PCNP: variants seen among roughly 807,000 people sequenced by gnomAD.
The protein encoded by PCNP is PEST proteolytic signal containing nuclear protein.
PCNP carries 6 observed loss-of-function variants against 21.8 expected under a neutral mutation model. That is an observed-to-expected ratio of 0.28 (90% CI 0.15 to 0.54). The LOEUF is 0.54. Ranked by LOEUF, PCNP falls within the 20% of genes least tolerant of loss-of-function variation. The pLI, the probability that PCNP is intolerant of heterozygous loss-of-function variation, is 0.95. For missense variants in PCNP, 161 were observed against 215.5 expected (o/e 0.75, Z 1.58); for synonymous variants, 67 against 73.2 (o/e 0.92, Z 0.43).
At chr3:101,577,873 C>G (rs1935009476) in intron 1 of PCNP, among the ~76,000 whole-genome samples, 1 of 152,036 alleles carries the variant, frequency 6.6e-6, no homozygotes, top group Non-Finnish European at 1.5e-5. Context: ...TAAGGCTCAC[C>G]CCTCTCCAAC....
chr3:101,580,640 T>C (rs559766239), intron 2 of PCNP, among the ~76,000 whole-genome samples: 1 of 152,314 alleles, frequency 6.6e-6, no homozygotes, highest in South Asian at 2.1e-4. Flanking sequence ...TTGAATACTG[T>C]ATATCTTATG....
rs1395963558 is a variant in PCNP, at chr3:101,594,001, A to G, written c.*1248A>G. The G allele has an allele frequency of 6.6e-6, 1 of 152,610 alleles. No homozygotes were observed. The highest frequency in any genetic ancestry group is 1.5e-5 in the Non-Finnish European group (1 of 68,036). 9.5% of individuals were successfully genotyped at this position (152,610 alleles called of 1,614,324 possible). A position where few individuals can be genotyped will look rare whatever the true frequency, so the allele number is the denominator to read the frequency against. On this transcript the variant is annotated 3_prime_UTR_variant, in exon 5 of 5. Coordinates refer to ENST00000265260, the MANE Select transcript of PCNP (RefSeq NM_020357.3). ...ATCTTTAAAAGCATAGTCACAGACA[A>G]AAGCATACAGTATAAAAATTTCCTT...
chr3:101,590,146 G>C, intron 3 of PCNP, 69 bp from the exon 4 acceptor site: 1 of 808,786 alleles, frequency 1.2e-6, no homozygotes, highest in Non-Finnish European at 2.1e-6. Flanking sequence ...ATAAAATTTA[G>C]CGTATTAGTA....
chr3:101,582,466 C>T (rs1184151055), intron 2 of PCNP, among the ~76,000 whole-genome samples: 2 of 151,958 alleles, frequency 1.3e-5, no homozygotes, highest in Non-Finnish European at 2.9e-5. Flanking sequence ...AGATAAACTA[C>T]AGTGTAAACA....
Position 101,587,250 on chromosome 3 carries a change from C to CAAA in PCNP, c.354+1752_354+1754dup, listed in dbSNP as rs34295234. ...GGGCAACAAGAGCAAAACTCTGTCT[C>CAAA]AAAAAAAAAAAAAAATACTTTTGTA... On this transcript the variant is annotated intron_variant, in intron 3 of 4. Coordinates refer to ENST00000265260, the MANE Select transcript of PCNP (RefSeq NM_020357.3). Among the ~76,000 whole-genome samples, 166 of 123,436 alleles carry CAAA rather than the reference C, an allele frequency of 1.3e-3. 2 individuals carry two copies. The highest frequency in any genetic ancestry group is 4.0e-3 in the Middle Eastern group (1 of 252). The allele number at this position is 123,436 out of a possible 152,430, so 81.0% of individuals were successfully genotyped here.
At chr3:101,578,684 ATATC>A (rs1443187208) in intron 1 of PCNP, among the ~76,000 whole-genome samples, 6 of 152,188 alleles carry the variant, frequency 3.9e-5, no homozygotes, top group African/African-American at 1.4e-4. Context: ...GTATAGATCT[ATATC>A]TATAGCCTCT....
At chr3:101,592,489 A>G in intron 4 of PCNP, 138 bp from the exon 5 acceptor site, 1 of 589,788 alleles carries the variant, frequency 1.7e-6, no homozygotes. Context: ...ATGTATTTTT[A>G]AAAAGCTCTG....
In PCNP at chr3:101,594,460, A is replaced by G. The variant is rs183002415; in HGVS notation, c.*1707A>G. 6 of 152,368 alleles carry G rather than the reference A, an allele frequency of 3.9e-5. No homozygotes were observed. Among genetic ancestry groups the G allele is most frequent in the African/African-American group, 1.2e-4 (5 of 41,576 alleles). 9.4% of individuals were successfully genotyped at this position (152,368 alleles called of 1,614,324 possible). A position where few individuals can be genotyped will look rare whatever the true frequency, so the allele number is the denominator to read the frequency against. ...CAATAGTGTTTTTATTTTCTATTCC[A>G]TTTAATTGTTGCTTACTGGTTTTTG... On this transcript the variant is annotated 3_prime_UTR_variant, in exon 5 of 5. Transcript: ENST00000265260.
In PCNP at chr3:101,583,816, A is replaced by G. The variant is rs796766397; in HGVS notation, c.280-1621A>G. On this transcript the variant is annotated intron_variant, in intron 2 of 4. Transcript: ENST00000265260. ...GTGTGCATCACCACCATATCCAGCT[A>G]ATTTTTTTTTTTTTTTTTTTTTTTT... is the stretch of plus-strand genomic sequence containing the variant. Among the ~76,000 whole-genome samples, 5 of 139,280 alleles carry G rather than the reference A, an allele frequency of 3.6e-5. No individual in the cohort carries two copies. In the East Asian group the frequency reaches 1.1e-3, roughly 30 times the overall value. 91.4% of individuals were successfully genotyped at this position (139,280 alleles called of 152,430 possible).
chr3:101,579,458 A>T, intron 1 of PCNP: 1 of 449,042 alleles, frequency 2.2e-6, no homozygotes, highest in Non-Finnish European at 4.3e-6. Flanking sequence ...TGTTAGATAG[A>T]TCTGATTTCT....
At chr3:101,574,389 C>A in intron 1 of PCNP, 110 bp downstream of exon 1, 1 of 1,339,522 alleles carries the variant, frequency 7.5e-7, no homozygotes, top group Non-Finnish European at 1.0e-6. Flanking sequence ...CTGGACCTCA[C>A]CCGGCCAGGT....
intron 3 of PCNP, 70 bp from the exon 4 acceptor site, chr3:101,590,145 A>T: frequency 1.2e-6 from 1 of 802,692 alleles, no homozygotes; most frequent in Non-Finnish European, 2.1e-6. Context: ...TATAAAATTT[A>T]GCGTATTAGT....
At chr3:101,580,728 A>T (rs1365319) in intron 2 of PCNP, among the ~76,000 whole-genome samples, 62,250 of 152,038 alleles carry the variant, frequency 0.41, 13,362 homozygotes, top group Non-Finnish European at 0.48. Flanking sequence ...TTAACCATGG[A>T]ACCTCTGGAA....
intron 3 of PCNP, among the ~76,000 whole-genome samples, chr3:101,589,206 G>C (rs1935680719): frequency 6.6e-6 from 1 of 152,032 alleles, no homozygotes; most frequent in South Asian, 2.1e-4. Flanking sequence ...TATACTCATG[G>C]AATCTTACTT....
intron 2 of PCNP, among the ~76,000 whole-genome samples, chr3:101,584,944 C>T (rs935039457): frequency 1.3e-5 from 2 of 152,202 alleles, no homozygotes; most frequent in African/African-American, 4.8e-5. Flanking sequence ...GCATAGGCTG[C>T]AATGAGCCAA....
chr3:101,585,528 T>A lies in PCNP; in HGVS notation c.354+17T>A, dbSNP rs756854741. ...GATGAAGATGTAAGTTGATATCGAG[T>A]TTTGTTTTTTTACTTTAACCAGTTA... On this transcript the variant is annotated intron_variant, in intron 3 of 4. Coordinates refer to ENST00000265260, the MANE Select transcript of PCNP (RefSeq NM_020357.3). 44 of 1,559,288 alleles carry A rather than the reference T, an allele frequency of 2.8e-5. No homozygotes were observed. The highest frequency in any genetic ancestry group is 3.9e-5 in the Non-Finnish European group (44 of 1,136,782).
intron 1 of PCNP, among the ~76,000 whole-genome samples, chr3:101,574,669 TACAC>T (rs1266814800): frequency 1.3e-5 from 2 of 152,064 alleles, no homozygotes. Flanking sequence ...AGACATAACA[TACAC>T]ACAGTGCGAG....
At chr3:101,585,256 C>A (rs971997689) in intron 2 of PCNP, among the ~76,000 whole-genome samples, 181 bp from the exon 3 acceptor site, 47 of 152,152 alleles carry the variant, frequency 3.1e-4, no homozygotes, top group Non-Finnish European at 4.4e-5. Flanking sequence ...GTAAAACATA[C>A]CCACTGATAA....
intron 3 of PCNP, chr3:101,589,840 G>A (rs540821953): frequency 5.0e-6 from 1 of 200,706 alleles, no homozygotes; most frequent in East Asian, 1.6e-4. Context: ...CCTTGAGCAA[G>A]TTAACTTTGT....
Sources: allele counts gnomAD v4.1 joint callset (sites outside exome capture counted in the v4.1 genomes callset), GRCh38; gene constraint gnomAD v4.1.1; transcripts MANE v1.5; gene names NCBI Gene and HGNC (gene_info 2026-07-23, HGNC 2026-07-21).